Variants in CSMD1 observed in about 807,000 individuals in gnomAD.
The protein encoded by CSMD1 is CUB and Sushi multiple domains 1.
A neutral mutation model predicts 417.5 loss-of-function variants in CSMD1; 213 were observed. The ratio of observed to expected loss-of-function variants is 0.51; its 90% CI spans 0.46 to 0.57. The LOEUF (loss-of-function observed/expected upper bound fraction) is 0.57. Among genes scored for constraint, CSMD1 ranks in the 20% least tolerant of loss-of-function variants. The pLI is 0.00. For missense variants in CSMD1, 6,923 were observed against 4,529.7 expected (o/e 1.53, Z -15.17); for synonymous variants, 2,862 against 1,736.8 (o/e 1.65, Z -16.11).
At chr8:3,308,009 C>T (rs1451081358) in intron 24 of CSMD1, among the ~76,000 whole-genome samples, 188 bp from the exon 25 acceptor site, 1 of 152,022 alleles carries the variant, frequency 6.6e-6, no homozygotes, top group African/African-American at 2.4e-5. Context: ...AGTCTTTATC[C>T]TCCATGCAAT....
At chr8:3,139,588 G>A (rs1818309939) in intron 41 of CSMD1, among the ~76,000 whole-genome samples, 1 of 152,128 alleles carries the variant, frequency 6.6e-6, no homozygotes, top group Admixed American at 6.5e-5. Flanking sequence ...GTGAAAAACA[G>A]GTGTAGAAAT....
intron 1 of CSMD1, among the ~76,000 whole-genome samples, chr8:4,650,930 T>G (rs1416822016): frequency 6.6e-6 from 1 of 152,170 alleles, no homozygotes; most frequent in African/African-American, 2.4e-5. Context: ...TTGCCTTGCT[T>G]TAACCATTAC....
intron 5 of CSMD1, among the ~76,000 whole-genome samples, chr8:3,824,978 C>G (rs918357205): frequency 7.2e-5 from 11 of 152,102 alleles, no homozygotes; most frequent in African/African-American, 2.7e-4. Flanking sequence ...TAATAATAAA[C>G]ACATATTTTT....
chr8:4,955,080 G>A (rs545933608), intron 1 of CSMD1, among the ~76,000 whole-genome samples: 2 of 152,174 alleles, frequency 1.3e-5, no homozygotes, highest in Admixed American at 1.3e-4. Flanking sequence ...ATAGGCTCTG[G>A]AACAATCGCT....
chr8:3,075,099 C>G (rs1813560412), intron 49 of CSMD1, among the ~76,000 whole-genome samples: 1 of 152,058 alleles, frequency 6.6e-6, no homozygotes, highest in African/African-American at 2.4e-5. Flanking sequence ...CCTACTTTTG[C>G]TAGGCGATGT....
rs576940984 is a variant in CSMD1 at position 3,492,518 on chromosome 8, C to A, written c.1448+1105G>T. On this transcript the variant is annotated intron_variant, in intron 11 of 69. Coordinates refer to ENST00000635120, the MANE Select transcript of CSMD1 (RefSeq NM_033225.6). Reference sequence around the variant, plus strand: ...GATCTACAACATGAAGAGAAGCTATCTGTGGAGTTGCAAAGGCAGATAAGA... The same window carrying A: ...GATCTACAACATGAAGAGAAGCTATATGTGGAGTTGCAAAGGCAGATAAGA... Among the ~76,000 whole-genome samples, 10 of 152,302 alleles carry A rather than the reference C, an allele frequency of 6.6e-5. No individual in the cohort carries two copies. In the South Asian group the frequency reaches 2.1e-3, roughly 32 times the overall value.
At chr8:4,716,085 G>A (rs774974350) in intron 1 of CSMD1, among the ~76,000 whole-genome samples, 2 of 152,204 alleles carry the variant, frequency 1.3e-5, no homozygotes, top group Non-Finnish European at 2.9e-5. Flanking sequence ...GAGCTGGGTT[G>A]GGGGCAGGGA....
intron 3 of CSMD1, among the ~76,000 whole-genome samples, chr8:4,155,044 G>A (rs1475335661): frequency 1.3e-5 from 2 of 152,192 alleles, no homozygotes; most frequent in African/African-American, 4.8e-5. Context: ...TAACACTGCT[G>A]CAGAATTTGT....
rs75298485 is a variant in CSMD1, at chr8:4,241,180, C to A, written c.415+178773G>T. ...CTTCTTAAACAAATGAAATCCTGAT[C>A]GTGAACTCTCCAGTCAAACAAAGTC... On this transcript the variant is annotated intron_variant, in intron 3 of 69. Transcript: ENST00000635120. Among the ~76,000 whole-genome samples the A allele has an allele frequency of 2.9e-3, 443 of 152,206 alleles. 2 individuals are homozygous for A. Among genetic ancestry groups the A allele is most frequent in the African/African-American group, 9.5e-3 (394 of 41,526 alleles).
At chr8:3,439,588 C>T (rs1008105866) in intron 12 of CSMD1, among the ~76,000 whole-genome samples, 2 of 150,832 alleles carry the variant, frequency 1.3e-5, no homozygotes, top group Admixed American at 6.6e-5. Flanking sequence ...ATGTTATCTT[C>T]CAGTCTACAG....
At chr8:4,306,062 T>A (rs1228925521) in intron 3 of CSMD1, among the ~76,000 whole-genome samples, 1 of 152,220 alleles carries the variant, frequency 6.6e-6, no homozygotes, top group East Asian at 1.9e-4. Context: ...ACTGGACATT[T>A]TGATTTATGA....
At chr8:3,623,852 C>G (rs767866863) in intron 7 of CSMD1, among the ~76,000 whole-genome samples, 3 of 152,076 alleles carry the variant, frequency 2.0e-5, no homozygotes, top group African/African-American at 2.4e-5. Context: ...TGGTGTGCAT[C>G]TGTAATCCCA....
intron 1 of CSMD1, among the ~76,000 whole-genome samples, chr8:4,986,420 C>T (rs1811181705): frequency 6.6e-6 from 1 of 152,132 alleles, no homozygotes. Context: ...AAAAGTTTCT[C>T]TAAATAGAGG....
chr8:3,188,576 G>C (rs1796226502), intron 35 of CSMD1, among the ~76,000 whole-genome samples: 1 of 151,312 alleles, frequency 6.6e-6, no homozygotes, highest in East Asian at 1.9e-4. Flanking sequence ...CAAAGTGCTG[G>C]GACTACATGC....
At chr8:4,306,173 G>C (rs1504756) in intron 3 of CSMD1, among the ~76,000 whole-genome samples, 151,520 of 152,316 alleles carry the variant, frequency 0.99, 75,367 homozygotes, top group Middle Eastern at 1. Context: ...TTTAAAACAC[G>C]CTGAAGTTGT....
At chr8:3,563,442 T>TAAAAAAAAAA (rs60108067) in intron 10 of CSMD1, among the ~76,000 whole-genome samples, 15 of 62,714 alleles carry the variant, frequency 2.4e-4, no homozygotes, top group Admixed American at 7.4e-4. Context: ...TATTAAAAGG[T>TAAAAAAAAAA]AAAAAAAAAA....
At chr8:3,903,095 T>C (rs1807867368) in intron 5 of CSMD1, among the ~76,000 whole-genome samples, 1 of 152,142 alleles carries the variant, frequency 6.6e-6, no homozygotes, top group African/African-American at 2.4e-5. Flanking sequence ...CTGCTGCTTG[T>C]CTGCTGAGCT....
chr8:3,305,942 G>C (rs1285916514), intron 25 of CSMD1, among the ~76,000 whole-genome samples: 2 of 152,156 alleles, frequency 1.3e-5, no homozygotes, highest in Admixed American at 6.5e-5. Flanking sequence ...GGCCTCCCAA[G>C]GTGCTGGGAT....
intron 1 of CSMD1, among the ~76,000 whole-genome samples, chr8:4,702,871 T>C (rs1445570947): frequency 1.3e-5 from 2 of 152,300 alleles, no homozygotes; most frequent in African/African-American, 2.4e-5. Context: ...AAGAAAATTA[T>C]TTAAAAGTCT....
Sources: allele counts gnomAD v4.1 joint callset (sites outside exome capture counted in the v4.1 genomes callset), GRCh38; gene constraint gnomAD v4.1.1; transcripts MANE v1.5; gene names NCBI Gene and HGNC (gene_info 2026-07-23, HGNC 2026-07-21).